ATP11C: variants seen among roughly 807,000 people sequenced by gnomAD.
ATP11C encodes ATPase phospholipid transporting 11C (ATP11C blood group), also known as phospholipid-transporting ATPase IG.
In ATP11C, 36 loss-of-function variants were observed where a neutral mutation model predicts 97.4. The ratio of observed to expected loss-of-function variants is 0.37; its 90% CI spans 0.28 to 0.49. The LOEUF (loss-of-function observed/expected upper bound fraction) is 0.49, where lower values mean the gene tolerates loss of function less well. ATP11C is among the 20% of genes least tolerant of loss of function. The pLI is 0.98. For synonymous variants in ATP11C, 275 were observed against 290.9 expected (o/e 0.95, Z 0.56); for missense variants, 730 against 824.6 (o/e 0.89, Z 1.40).
At chrX:139,897,804 G>A (rs889343022) in intron 1 of ATP11C, among the ~76,000 whole-genome samples, 6 of 110,264 alleles carry the variant, frequency 5.4e-5, no homozygotes, top group African/African-American at 9.9e-5. Flanking sequence ...GTGGTGGCAC[G>A]TGACTGTAGT....
At chrX:139,893,906 T>A (rs1039931420) in intron 1 of ATP11C, among the ~76,000 whole-genome samples, 1 of 109,854 alleles carries the variant, frequency 9.1e-6, no homozygotes, top group African/African-American at 3.3e-5. Flanking sequence ...TTTTTTTTTT[T>A]AATAATTCTT....
intron 18 of ATP11C, among the ~76,000 whole-genome samples, chrX:139,779,017 G>T (rs1319347953): frequency 1.8e-5 from 2 of 111,367 alleles, no homozygotes; most frequent in Non-Finnish European, 3.8e-5. Context: ...TAATGAAAAG[G>T]GATTCAATTC....
In ATP11C at chrX:139,816,880, C is replaced by T. The variant is rs1302490912; in HGVS notation, c.301G>A (p.Val101Ile). 24 of 1,197,812 alleles carry T rather than the reference C, an allele frequency of 2.0e-5. No individual in the cohort carries two copies. The highest frequency in any genetic ancestry group is 2.5e-5 in the Non-Finnish European group (22 of 886,053). ...AAATTTACCTGCTTGATGGCTGTAA[C>T]AGTTATAACAAAGAAAAGTGGAAGT... ...SGLPLFFVITVTAIKQGYEDC... is the reference protein window; with the variant it reads ...SGLPLFFVITITAIKQGYEDC... The change falls in exon 4 of 30, where the codon GTT (valine) becomes ATT (isoleucine). Residue 101 changes from valine to isoleucine, a missense_variant. Val to Ile is a conservative substitution (Grantham distance 29). Coordinates refer to ENST00000682941, the MANE Select transcript of ATP11C (RefSeq NM_001353812.2).
intron 12 of ATP11C, among the ~76,000 whole-genome samples, chrX:139,790,155 A>G (rs1266259681): frequency 9.0e-6 from 1 of 110,810 alleles, no homozygotes; most frequent in African/African-American, 3.3e-5. Context: ...ATAGCTCACT[A>G]TAACCTCAAA....
chrX:139,837,358 C>A (rs1460920605), intron 1 of ATP11C, among the ~76,000 whole-genome samples: 1 of 111,884 alleles, frequency 8.9e-6, no homozygotes, highest in Non-Finnish European at 1.9e-5. Flanking sequence ...CATGAAACAA[C>A]ACAGTAGTTG....
chrX:139,853,225 G>A (rs2084029553), intron 1 of ATP11C, among the ~76,000 whole-genome samples: 1 of 111,287 alleles, frequency 9.0e-6, no homozygotes, highest in Non-Finnish European at 1.9e-5. Flanking sequence ...GGAAGGAGAG[G>A]GGAGAACAGC....
At chrX:139,856,839 T>C (rs1374984286) in intron 1 of ATP11C, among the ~76,000 whole-genome samples, 1 of 112,334 alleles carries the variant, frequency 8.9e-6, no homozygotes, top group Non-Finnish European at 1.9e-5. Context: ...TAGGGGCTAC[T>C]AGCCAGATGG....
intron 28 of ATP11C, chrX:139,732,504 A>T: frequency 2.7e-6 from 1 of 365,767 alleles, no homozygotes; most frequent in Non-Finnish European, 5.3e-6. Flanking sequence ...GATGTTCCTG[A>T]GGAAGGGAGG....
At chrX:139,732,440 T>G (rs763799251) in intron 28 of ATP11C, 3 of 365,959 alleles carry the variant, frequency 8.2e-6, no homozygotes, top group South Asian at 7.4e-5. Flanking sequence ...ATCACCTTAT[T>G]CACTCCAAGA....
intron 4 of ATP11C, 26 bp from the exon 5 acceptor site, chrX:139,815,011 T>C (rs2083256570): frequency 2.2e-6 from 2 of 907,033 alleles, no homozygotes; most frequent in East Asian, 3.3e-5. Context: ...AACTATATAA[T>C]TGAGTTCTGA....
Position 139,814,950 on chromosome X carries a change from A to C in ATP11C, c.354T>G (p.Asn118Lys), listed in dbSNP as rs775416752. The change falls in exon 5 of 30, where the codon AAT becomes AAG. Residue 118 changes from asparagine (N) to lysine (K), a missense_variant. By Grantham distance (94) the Asn-to-Lys change is moderately conservative. Coordinates refer to ENST00000682941, the MANE Select transcript of ATP11C (RefSeq NM_001353812.2). Reference sequence around the variant, plus strand: ...TGTAAACAGTGCTTTTGTTGACTTCATTGTCAGCTCTGTGTCTCAGACAAT... The same window carrying C: ...TGTAAACAGTGCTTTTGTTGACTTCCTTGTCAGCTCTGTGTCTCAGACAAT... Reference protein sequence around the residue: ...YEDCLRHRADNEVNKSTVYII... With the variant: ...YEDCLRHRADKEVNKSTVYII... 8.5e-7 allele frequency: 1 copy of C among 1,174,313 alleles called. No individual in the cohort carries two copies. The highest frequency in any genetic ancestry group is 1.1e-6 in the Non-Finnish European group (1 of 872,618).
chrX:139,779,697 C>T (rs762456003), intron 18 of ATP11C, among the ~76,000 whole-genome samples: 54 of 111,410 alleles, frequency 4.8e-4, no homozygotes, highest in Non-Finnish European at 7.9e-4. Context: ...CAAAAACAAA[C>T]CAGACCCAAA....
intron 2 of ATP11C, among the ~76,000 whole-genome samples, chrX:139,825,089 C>T (rs2083498816): frequency 9.0e-6 from 1 of 110,987 alleles, no homozygotes; most frequent in Admixed American, 9.6e-5. Flanking sequence ...TTGAGGAAAT[C>T]AATAGTACTA....
At chrX:139,841,247 T>G (rs1234745519) in intron 1 of ATP11C, among the ~76,000 whole-genome samples, 2 of 112,493 alleles carry the variant, frequency 1.8e-5, no homozygotes, top group African/African-American at 6.5e-5. Context: ...CGGCACTATT[T>G]GTTGGGTCAT....
At chrX:139,879,828 T>C (rs1227026734) in intron 1 of ATP11C, among the ~76,000 whole-genome samples, 1 of 111,744 alleles carries the variant, frequency 8.9e-6, no homozygotes, top group East Asian at 2.8e-4. Flanking sequence ...GCACTGTCTA[T>C]AGATAAAGAA....
intron 1 of ATP11C, among the ~76,000 whole-genome samples, chrX:139,904,301 G>C (rs1224352648): frequency 9.0e-6 from 1 of 110,937 alleles, no homozygotes; most frequent in Non-Finnish European, 1.9e-5. Flanking sequence ...GCCGAGGTGG[G>C]TGGATCACCT....
At chrX:139,750,253 A>G (rs2081785115) in intron 23 of ATP11C, 101 bp from the exon 24 acceptor site, 2 of 807,800 alleles carry the variant, frequency 2.5e-6, no homozygotes, top group African/African-American at 4.1e-5. Flanking sequence ...AAAATAAGAA[A>G]TTTTTTTACA....
intron 8 of ATP11C, among the ~76,000 whole-genome samples, chrX:139,799,323 C>T (rs892971249): frequency 3.6e-5 from 4 of 111,627 alleles, no homozygotes; most frequent in African/African-American, 1.3e-4. Flanking sequence ...AATTCGTATA[C>T]ATAAAACAAT....
chrX:139,782,808 C>A, intron 17 of ATP11C, 80 bp from the exon 18 acceptor site: 1 of 741,044 alleles, frequency 1.3e-6, no homozygotes, highest in South Asian at 3.0e-5. Flanking sequence ...AATACTCTTG[C>A]TTTAGCCATA....
Sources: allele counts gnomAD v4.1 joint callset (sites outside exome capture counted in the v4.1 genomes callset), GRCh38; gene constraint gnomAD v4.1.1; transcripts MANE v1.5; gene names NCBI Gene and HGNC (gene_info 2026-07-23, HGNC 2026-07-21).